Variants in TMEM178A observed in about 807,000 individuals in gnomAD.
TMEM178A encodes transmembrane protein 178A, also known as transmembrane protein 178.
TMEM178A carries 12 observed loss-of-function variants against 29.1 expected under a neutral mutation model. That is an observed-to-expected ratio of 0.41 (90% CI 0.26 to 0.67). The LOEUF is 0.67. Among genes scored for constraint, TMEM178A ranks in the 30% least tolerant of loss-of-function variants. The probability of loss-of-function intolerance (pLI) is 0.29; values close to 1 mark genes in which losing one functional copy is unlikely to be tolerated. For missense variants in TMEM178A, 366 were observed against 419.1 expected, an observed-to-expected ratio of 0.87 and a Z score of 1.11; for synonymous variants, 210 against 187.2, an observed-to-expected ratio of 1.12 and a Z score of -0.99.
chr2:39,667,182 T>A (rs886213552), intron 1 of TMEM178A, among the ~76,000 whole-genome samples: 2 of 152,220 alleles, frequency 1.3e-5, no homozygotes, highest in Non-Finnish European at 2.9e-5. Context: ...ATTTGGGCAC[T>A]CACTCTCTGC....
intron 1 of TMEM178A, among the ~76,000 whole-genome samples, chr2:39,672,362 G>A (rs1374442005): frequency 6.6e-6 from 1 of 151,998 alleles, no homozygotes; most frequent in African/African-American, 2.4e-5. Context: ...GGCCTTGAGG[G>A]GAAAAAAGGA....
chr2:39,723,571 C>T, the TMEM178A span, among the ~76,000 whole-genome samples: 2 of 152,146 alleles, frequency 1.3e-5, no homozygotes, highest in African/African-American at 4.8e-5. Flanking sequence ...AAAAGCTTCT[C>T]CAGTGCTGTT....
intron 1 of TMEM178A, among the ~76,000 whole-genome samples, chr2:39,702,940 C>T (rs904483850): frequency 1.3e-5 from 2 of 152,122 alleles, no homozygotes; most frequent in East Asian, 1.9e-4. Context: ...TTCTGATGTA[C>T]ACTAATATCT....
At position 39,711,084 on chromosome 2, in the gene TMEM178A, G is replaced by A. The variant is rs140884265; in HGVS notation, c.652+3898G>A. On this transcript the variant is annotated intron_variant, in intron 3 of 3. Transcript: ENST00000281961. ...AGGGGCAGCCTGCACATCTCCCACCGGCCTTGAATTTAGACTTTGGATGTC... is the reference window on the plus strand; with the variant it reads ...AGGGGCAGCCTGCACATCTCCCACCAGCCTTGAATTTAGACTTTGGATGTC... 2.1e-4 allele frequency among the ~76,000 whole-genome samples: 32 copies of A among 152,242 alleles called. 1 individual carries two copies. In the East Asian group the frequency reaches 3.7e-3, roughly 17 times the overall value.
At position 39,666,127 on chromosome 2, in the gene TMEM178A, C is replaced by T. The variant is rs573490688; in HGVS notation, c.153C>T (p.Asp51=). The change falls in exon 1 of 4, where the codon GAC becomes GAT. Residue 51 remains aspartate, a synonymous_variant. Transcript: ENST00000281961. ...ESCERSRAGA[D]PPDQKNRLMP... is the part of the protein sequence containing the mutation. ...GCGAGCGCAGCCGCGCGGGCGCCGA[C>T]CCCCCGGACCAGAAGAACCGCCTGA... The T allele has an allele frequency of 9.7e-6, 15 of 1,542,644 alleles. No homozygotes were observed. In the East Asian group the frequency reaches 2.4e-4, roughly 25 times the overall value.
intron 1 of TMEM178A, among the ~76,000 whole-genome samples, chr2:39,691,965 G>T: frequency 6.6e-6 from 1 of 151,674 alleles, no homozygotes; most frequent in Non-Finnish European, 1.5e-5. Flanking sequence ...GTATATAATA[G>T]AATATTTAAT....
chr2:39,726,024 T>C, the TMEM178A span, among the ~76,000 whole-genome samples: 1 of 152,140 alleles, frequency 6.6e-6, no homozygotes, highest in African/African-American at 2.4e-5. Context: ...ACATAGTGAA[T>C]AAATCAAAGC....
chr2:39,706,738 T>C (rs906379099), intron 2 of TMEM178A, among the ~76,000 whole-genome samples: 22 of 152,214 alleles, frequency 1.4e-4, no homozygotes, highest in Non-Finnish European at 2.9e-4. Context: ...CCCACCTCAC[T>C]CTTTGTTTAA....
At chr2:39,715,142 A>G (rs1167559353) in intron 3 of TMEM178A, among the ~76,000 whole-genome samples, 1 of 152,210 alleles carries the variant, frequency 6.6e-6, no homozygotes, top group Non-Finnish European at 1.5e-5. Context: ...AAGGATGCTT[A>G]AAAGTCTAGG....
rs66983117 is a variant in TMEM178A at position 39,694,161 on chromosome 2, GTAA to G, written c.401-9897_401-9895del. On this transcript the variant is annotated intron_variant, in intron 1 of 3. Coordinates refer to ENST00000281961, the MANE Select transcript of TMEM178A (RefSeq NM_152390.3). The stretch of plus-strand genomic sequence containing the variant: ...AAAAAAAGTAGCAATAGTAGTAGTA[GTAA>G]TAATAATAATAATAATAATAATTAA... Among the ~76,000 whole-genome samples the G allele has an allele frequency of 4.4e-3, 643 of 146,704 alleles. 6 individuals are homozygous for G. The highest frequency in any genetic ancestry group is 0.014 in the African/African-American group (545 of 40,100).
upstream of TMEM178A, chr2:39,665,829 G>T: frequency 1.3e-6 from 1 of 752,856 alleles, no homozygotes. Context: ...GAGCCGGGCC[G>T]GGCTCGCAGG....
the TMEM178A span, among the ~76,000 whole-genome samples, chr2:39,726,268 G>A: frequency 3.3e-5 from 5 of 152,280 alleles, no homozygotes; most frequent in East Asian, 1.9e-4. Flanking sequence ...GGAAGCTGGC[G>A]TTGGCCTCTC....
chr2:39,676,575 A>C (rs1670633801), intron 1 of TMEM178A, among the ~76,000 whole-genome samples: 1 of 152,174 alleles, frequency 6.6e-6, no homozygotes, highest in South Asian at 2.1e-4. Context: ...ATCCCGGGCA[A>C]GTGGAATGGA....
At chr2:39,671,681 C>G (rs914738928) in intron 1 of TMEM178A, among the ~76,000 whole-genome samples, 1 of 152,128 alleles carries the variant, frequency 6.6e-6, no homozygotes, top group Non-Finnish European at 1.5e-5. Flanking sequence ...ATAAAACAGA[C>G]AAAAGCAAAT....
intron 1 of TMEM178A, among the ~76,000 whole-genome samples, chr2:39,695,703 T>C (rs1012054991): frequency 6.6e-6 from 1 of 151,830 alleles, no homozygotes; most frequent in African/African-American, 2.4e-5. Context: ...GGATAGATGG[T>C]AGGGGTCTAG....
intron 1 of TMEM178A, among the ~76,000 whole-genome samples, chr2:39,669,769 A>G (rs1169016747): frequency 6.6e-6 from 1 of 152,254 alleles, no homozygotes; most frequent in Non-Finnish European, 1.5e-5. Context: ...TAATAGCACT[A>G]TATTGACCAA....
chr2:39,685,227 C>T (rs1056551660), intron 1 of TMEM178A, among the ~76,000 whole-genome samples: 1 of 152,172 alleles, frequency 6.6e-6, no homozygotes, highest in African/African-American at 2.4e-5. Context: ...TGCCCCCTTA[C>T]TCTCCACAGC....
downstream of TMEM178A, among the ~76,000 whole-genome samples, chr2:39,722,711 C>A (rs1419481524): frequency 6.6e-6 from 1 of 152,172 alleles, no homozygotes; most frequent in Non-Finnish European, 1.5e-5. Flanking sequence ...TTCAGGTAAG[C>A]ATTTCCCTTT....
At chr2:39,727,667 T>A in the TMEM178A span, among the ~76,000 whole-genome samples, 3 of 152,130 alleles carry the variant, frequency 2.0e-5, no homozygotes, top group Non-Finnish European at 2.9e-5. Context: ...GCTGCACCCA[T>A]CAACTCATCA....
Sources: allele counts gnomAD v4.1 joint callset (sites outside exome capture counted in the v4.1 genomes callset), GRCh38; gene constraint gnomAD v4.1.1; transcripts MANE v1.5; gene names NCBI Gene and HGNC (gene_info 2026-07-23, HGNC 2026-07-21).